NRXN3: variants seen among roughly 807,000 people sequenced by gnomAD.
NRXN3 encodes neurexin III.
Under a neutral mutation model 137.6 loss-of-function variants are expected in NRXN3, and 32 were observed. That is an observed-to-expected ratio of 0.23 (90% CI 0.18 to 0.31). The LOEUF is 0.31. NRXN3 is among the 10% of genes least tolerant of loss of function. NRXN3 has a pLI of 1.00. For missense variants in NRXN3, 1,574 were observed against 2,062.5 expected, an observed-to-expected ratio of 0.76 and a Z score of 4.59; for synonymous variants, 798 against 784.5, an observed-to-expected ratio of 1.02 and a Z score of -0.29.
At chr14:78,443,868 G>A (rs1027885241) in intron 4 of NRXN3, among the ~76,000 whole-genome samples, 9 of 152,160 alleles carry the variant, frequency 5.9e-5, no homozygotes, top group Non-Finnish European at 4.4e-5. Context: ...TGCTTCTATT[G>A]TAACCACACT....
chr14:78,917,988 G>GAAAAAAAA (rs71131666), intron 10 of NRXN3, among the ~76,000 whole-genome samples: 1 of 107,486 alleles, frequency 9.3e-6, no homozygotes, highest in Non-Finnish European at 2.0e-5. Flanking sequence ...ATAAAAAAAT[G>GAAAAAAAA]AAAAAAAAAA....
intron 15 of NRXN3, among the ~76,000 whole-genome samples, chr14:79,056,781 G>C (rs2099664991): frequency 6.6e-6 from 1 of 152,150 alleles, no homozygotes; most frequent in African/African-American, 2.4e-5. Flanking sequence ...TAAGTGAGAT[G>C]GACAAGGCAT....
At chr14:79,018,521 A>G (rs977475988) in intron 15 of NRXN3, among the ~76,000 whole-genome samples, 13 of 152,030 alleles carry the variant, frequency 8.6e-5, no homozygotes, top group Non-Finnish European at 8.8e-5. Context: ...TTTTACCATT[A>G]TGATCTTTTT....
intron 15 of NRXN3, among the ~76,000 whole-genome samples, chr14:79,278,813 C>T (rs550172051): frequency 6.6e-6 from 1 of 152,284 alleles, no homozygotes; most frequent in Admixed American, 6.5e-5. Context: ...CCATCATTCG[C>T]CCTGCGGGAG....
intron 14 of NRXN3, among the ~76,000 whole-genome samples, chr14:78,987,519 CCTT>C (rs33937253): frequency 0.3 from 45,952 of 151,794 alleles, 7,488 homozygotes; most frequent in Admixed American, 0.45. Flanking sequence ...GCTAAATCCT[CCTT>C]CTTCTCCTTC....
intron 15 of NRXN3, among the ~76,000 whole-genome samples, chr14:79,464,840 A>G (rs1399926284): frequency 6.6e-6 from 1 of 152,166 alleles, no homozygotes; most frequent in Non-Finnish European, 1.5e-5. Flanking sequence ...AAATCTGTAA[A>G]ACAGTGTTAA....
chr14:79,358,658 AAAG>A (rs2093567124), intron 15 of NRXN3, among the ~76,000 whole-genome samples: 1 of 150,484 alleles, frequency 6.6e-6, no homozygotes, highest in South Asian at 2.1e-4. Context: ...AGAAAGAAAG[AAAG>A]AAAGAAAGTG....
intron 15 of NRXN3, among the ~76,000 whole-genome samples, chr14:79,342,432 T>C (rs1305188044): frequency 3.9e-5 from 6 of 152,168 alleles, no homozygotes; most frequent in Non-Finnish European, 8.8e-5. Context: ...TTAAGGACTT[T>C]AGAGACACTG....
At chr14:79,560,504 C>CTTTTCTTTTTT (rs536703528) in intron 16 of NRXN3, among the ~76,000 whole-genome samples, 7 of 43,768 alleles carry the variant, frequency 1.6e-4, no homozygotes, top group African/African-American at 4.1e-4. Flanking sequence ...AGATTGTAAG[C>CTTTTCTTTTTT]TTTTTTTTTT....
Position 79,865,310 on chromosome 14 carries a change from T to C in NRXN3, c.*3346T>C, listed in dbSNP as rs560932091. ...TACAACTTGTTTCATACACCCATTG[T>C]AGCAGTAATGTCTCATATTTCTCGT... On this transcript the variant is annotated 3_prime_UTR_variant, in exon 21 of 21. Transcript: ENST00000335750. The C allele has an allele frequency of 2.0e-5, 3 of 152,340 alleles. No homozygotes were observed. The highest frequency in any genetic ancestry group is 7.2e-5 in the African/African-American group (3 of 41,584). 9.4% of individuals were successfully genotyped at this position (152,340 alleles called of 1,614,324 possible).
intron 8 of NRXN3, among the ~76,000 whole-genome samples, chr14:78,798,622 G>T (rs1418978151): frequency 6.6e-6 from 1 of 152,212 alleles, no homozygotes; most frequent in Non-Finnish European, 1.5e-5. Context: ...GACTCTGTGT[G>T]GGGGCTCACA....
intron 19 of NRXN3, among the ~76,000 whole-genome samples, chr14:79,781,040 TA>T (rs2099112160): frequency 9.3e-6 from 1 of 107,694 alleles, no homozygotes; most frequent in Admixed American, 9.7e-5. Flanking sequence ...GCTCATAAGG[TA>T]ATTTTTTTTT....
At chr14:78,397,383 A>T (rs1356310174) in intron 4 of NRXN3, among the ~76,000 whole-genome samples, 2 of 151,764 alleles carry the variant, frequency 1.3e-5, no homozygotes, top group Non-Finnish European at 2.9e-5. Flanking sequence ...AGATTGGGTA[A>T]TGTCTATCTT....
chr14:78,810,358 C>T lies in NRXN3; in HGVS notation c.2275+14C>T. 1.5e-6 allele frequency: 2 copies of T among 1,306,256 alleles called. No individual in the cohort carries two copies. Among genetic ancestry groups the T allele is most frequent in the Non-Finnish European group, 2.1e-6 (2 of 964,882 alleles). 80.9% of individuals were successfully genotyped at this position (1,306,256 alleles called of 1,614,324 possible). On this transcript the variant is annotated intron_variant, in intron 10 of 20. Transcript: ENST00000335750. ...ACTGTAACTCCAGTAAGTTTTCCCT[C>T]AAGTTTCATTTTGTTCTTTAAAAAA...
At position 79,599,295 on chromosome 14, in the gene NRXN3, C is replaced by T. The variant is rs565540237; in HGVS notation, c.3445-64483C>T. 4.1e-4 allele frequency among the ~76,000 whole-genome samples: 62 copies of T among 152,282 alleles called. 1 individual carries two copies. The highest frequency in any genetic ancestry group is 1.1e-3 in the Admixed American group (17 of 15,294). Reference sequence around the variant, plus strand: ...TCTAATTGCTCTTGTATTCTCTCCTCTTCTATCTGGAACTTATCTCCCTGA... The same window carrying T: ...TCTAATTGCTCTTGTATTCTCTCCTTTTCTATCTGGAACTTATCTCCCTGA... On this transcript the variant is annotated intron_variant, in intron 16 of 20. Coordinates refer to ENST00000335750, the MANE Select transcript of NRXN3 (RefSeq NM_001330195.2).
At chr14:78,629,230 G>A (rs1478559063) in intron 4 of NRXN3, among the ~76,000 whole-genome samples, 1 of 152,138 alleles carries the variant, frequency 6.6e-6, no homozygotes, top group Non-Finnish European at 1.5e-5. Context: ...TTTGTAAAGG[G>A]CCTCTTGCGA....
chr14:78,202,129 C>T (rs1055358874), intron 1 of NRXN3, among the ~76,000 whole-genome samples: 21 of 152,176 alleles, frequency 1.4e-4, no homozygotes, highest in Admixed American at 9.8e-4. Flanking sequence ...GGGTGAGCCG[C>T]GGCATGCCTT....
At chr14:78,432,320 G>A (rs1040701679) in intron 4 of NRXN3, among the ~76,000 whole-genome samples, 7 of 144,746 alleles carry the variant, frequency 4.8e-5, no homozygotes, top group African/African-American at 1.9e-4. Flanking sequence ...TTTTTGACAT[G>A]TCTCAGCTCC....
At chr14:78,283,950 C>T (rs1219993316) in intron 3 of NRXN3, among the ~76,000 whole-genome samples, 9 of 152,198 alleles carry the variant, frequency 5.9e-5, no homozygotes, top group Non-Finnish European at 1.2e-4. Flanking sequence ...GTGACCTATT[C>T]AAGTTACTTT....
Sources: gnomAD v4.1 joint callset for allele counts (sites outside exome capture counted in the v4.1 genomes callset) on GRCh38, gnomAD v4.1.1 for gene constraint, MANE v1.5 for transcripts, NCBI Gene and HGNC (gene_info 2026-07-23, HGNC 2026-07-21) for gene names.